Variants in TENT5D observed in about 807,000 individuals in gnomAD.
TENT5D encodes terminal nucleotidyltransferase 5D.
For missense variants in TENT5D, 191 were observed against 287.0 expected, an observed-to-expected ratio of 0.67 and a Z score of 2.42; for synonymous variants, 103 against 100.6, an observed-to-expected ratio of 1.02 and a Z score of -0.15.
At chrX:80,346,487 T>G (rs1317037076) in intron 3 of TENT5D, among the ~76,000 whole-genome samples, 1 of 111,854 alleles carries the variant, frequency 8.9e-6, no homozygotes, top group East Asian at 2.8e-4. Flanking sequence ...GTCACATACC[T>G]TCACTGGCAC....
At chrX:80,356,919 A>G (rs1275516764) in intron 3 of TENT5D, among the ~76,000 whole-genome samples, 3 of 108,921 alleles carry the variant, frequency 2.8e-5, no homozygotes, top group Non-Finnish European at 5.7e-5. Flanking sequence ...CGCTCCTCCC[A>G]CCCCACAACA....
intron 3 of TENT5D, among the ~76,000 whole-genome samples, chrX:80,394,070 C>T (rs778547595): frequency 4.5e-5 from 5 of 111,538 alleles, no homozygotes; most frequent in Non-Finnish European, 7.5e-5. Flanking sequence ...CAGGTAAATG[C>T]CTAGAAGAGG....
intron 1 of TENT5D, among the ~76,000 whole-genome samples, chrX:80,423,775 G>C (rs1602219887): frequency 9.0e-6 from 1 of 110,695 alleles, no homozygotes; most frequent in Admixed American, 9.7e-5. Context: ...AAGGAGAAGA[G>C]ACTATTTCCT....
chrX:80,407,352 A>G (rs1305551688), intron 3 of TENT5D, among the ~76,000 whole-genome samples: 3 of 110,822 alleles, frequency 2.7e-5, no homozygotes, highest in African/African-American at 9.9e-5. Context: ...TATTCAGGAA[A>G]CCCATCTCAT....
At chrX:80,404,525 T>A (rs949597170) in intron 3 of TENT5D, among the ~76,000 whole-genome samples, 27 of 112,179 alleles carry the variant, frequency 2.4e-4, no homozygotes, top group African/African-American at 8.1e-4. Context: ...TATTAATGGT[T>A]AATTTCTATA....
chrX:80,408,739 C>T (rs1931563799), intron 3 of TENT5D, among the ~76,000 whole-genome samples: 2 of 111,553 alleles, frequency 1.8e-5, no homozygotes, highest in African/African-American at 3.3e-5. Flanking sequence ...TCCTCCCTAA[C>T]TCATTTTATG....
chrX:80,341,179 C>G (rs1395055002), intron 2 of TENT5D, among the ~76,000 whole-genome samples: 1 of 111,942 alleles, frequency 8.9e-6, no homozygotes, highest in African/African-American at 3.3e-5. Context: ...AAGTATTTAC[C>G]AGAAGTGGGA....
At chrX:80,364,530 A>G (rs1930468886) in intron 3 of TENT5D, among the ~76,000 whole-genome samples, 1 of 110,763 alleles carries the variant, frequency 9.0e-6, no homozygotes, top group Non-Finnish European at 1.9e-5. Flanking sequence ...CTATATATAA[A>G]CTTAAGAGTT....
chrX:80,338,209 TCTC>T (rs1192632388), intron 2 of TENT5D, among the ~76,000 whole-genome samples: 1 of 112,032 alleles, frequency 8.9e-6, no homozygotes, highest in East Asian at 2.8e-4. Context: ...GCTACCTTTT[TCTC>T]CTTTCACCGT....
chrX:80,357,558 T>A (rs1311860739), intron 3 of TENT5D, among the ~76,000 whole-genome samples: 1 of 111,781 alleles, frequency 8.9e-6, no homozygotes, highest in African/African-American at 3.3e-5. Flanking sequence ...CATAAATGTC[T>A]TCTTTTGAGA....
chrX:80,353,946 A>G (rs757078312), intron 3 of TENT5D, among the ~76,000 whole-genome samples: 6 of 111,258 alleles, frequency 5.4e-5, no homozygotes, highest in African/African-American at 2.0e-4. Context: ...ATGTGTTATT[A>G]TTATTATTTT....
At chrX:80,347,896 G>A (rs1305302545) in intron 3 of TENT5D, among the ~76,000 whole-genome samples, 1 of 112,039 alleles carries the variant, frequency 8.9e-6, no homozygotes, top group Non-Finnish European at 1.9e-5. Context: ...CATGTGGCTA[G>A]CCAGTTTTCC....
intron 3 of TENT5D, among the ~76,000 whole-genome samples, chrX:80,390,364 T>C (rs1931100754): frequency 9.0e-6 from 1 of 111,550 alleles, no homozygotes; most frequent in African/African-American, 3.3e-5. Context: ...TTATTAATAT[T>C]AAAGTGAGAC....
intron 3 of TENT5D, among the ~76,000 whole-genome samples, chrX:80,403,256 A>T (rs1931423482): frequency 8.9e-6 from 1 of 112,495 alleles, no homozygotes; most frequent in Admixed American, 9.4e-5. Context: ...AAAATTTAAA[A>T]TAGTCTGGTT....
intron 3 of TENT5D, among the ~76,000 whole-genome samples, chrX:80,393,135 C>T (rs954686233): frequency 3.6e-5 from 4 of 110,259 alleles, no homozygotes; most frequent in African/African-American, 9.9e-5. Context: ...TAATGTGTCT[C>T]GGTGTGTGTA....
chrX:80,362,189 A>G (rs868075631), intron 3 of TENT5D, among the ~76,000 whole-genome samples: 20 of 108,594 alleles, frequency 1.8e-4, no homozygotes, highest in African/African-American at 5.7e-4. Context: ...CTTGAGACGG[A>G]GTCTTGCTCT....
intron 3 of TENT5D, among the ~76,000 whole-genome samples, chrX:80,349,045 G>A (rs1602499473): frequency 9.0e-6 from 1 of 111,694 alleles, no homozygotes; most frequent in African/African-American, 3.2e-5. Flanking sequence ...TTTGATGTGC[G>A]GCTGGATTCG....
At chrX:80,376,577 T>A (rs1401387535) in intron 3 of TENT5D, among the ~76,000 whole-genome samples, 4 of 111,751 alleles carry the variant, frequency 3.6e-5, no homozygotes, top group Non-Finnish European at 7.5e-5. Context: ...ATTATCATGT[T>A]ATTGGATCTC....
intron 3 of TENT5D, among the ~76,000 whole-genome samples, chrX:80,385,594 C>T (rs1930978688): frequency 8.9e-6 from 1 of 111,812 alleles, no homozygotes; most frequent in South Asian, 3.7e-4. Context: ...AACTAAAGAG[C>T]TTCTGCACAG....
Sources: gnomAD v4.1 joint callset for allele counts (sites outside exome capture counted in the v4.1 genomes callset) on GRCh38, gnomAD v4.1.1 for gene constraint, MANE v1.5 for transcripts, NCBI Gene and HGNC (gene_info 2026-07-23, HGNC 2026-07-21) for gene names.